Variants in TFDP2 observed in about 807,000 individuals in gnomAD.
TFDP2 encodes the protein transcription factor Dp-2 (E2F dimerization partner 2).
TFDP2 carries 17 observed loss-of-function variants against 59.3 expected under a neutral mutation model. The ratio of observed to expected loss-of-function variants is 0.29; its 90% CI spans 0.20 to 0.43. TFDP2 has a LOEUF of 0.43. Among genes scored for constraint, TFDP2 ranks in the 20% least tolerant of loss-of-function variants. TFDP2 has a pLI of 1.00. For missense variants in TFDP2, 391 were observed against 528.8 expected (o/e 0.74, Z 2.56); for synonymous variants, 180 against 194.7 (o/e 0.92, Z 0.63).
chr3:142,007,641 AAT>A (rs1944324223), intron 3 of TFDP2, among the ~76,000 whole-genome samples: 1 of 152,156 alleles, frequency 6.6e-6, no homozygotes, highest in Non-Finnish European at 1.5e-5. Flanking sequence ...AAATCATCAC[AAT>A]GTGGAATCAG....
chr3:142,124,268 C>T (rs1295172139), intron 1 of TFDP2, among the ~76,000 whole-genome samples: 1 of 152,018 alleles, frequency 6.6e-6, no homozygotes, highest in Non-Finnish European at 1.5e-5. Context: ...GTAAAATAAG[C>T]AAGAATAGCC....
intron 11 of TFDP2, among the ~76,000 whole-genome samples, chr3:141,954,685 G>C (rs1936360971): frequency 6.6e-6 from 1 of 151,970 alleles, no homozygotes. Flanking sequence ...TATAGTCTCT[G>C]TCAGCTGCCA....
At chr3:142,000,143 C>T (rs909813390) in intron 4 of TFDP2, 7 of 564,834 alleles carry the variant, frequency 1.2e-5, no homozygotes, top group Admixed American at 2.7e-5. Flanking sequence ...TCCATTCAGG[C>T]TACCATAACA....
intron 3 of TFDP2, 60 bp downstream of exon 3, chr3:142,093,001 T>C (rs16852086): frequency 2.5e-6 from 3 of 1,181,134 alleles, no homozygotes; most frequent in Non-Finnish European, 2.4e-6. Context: ...CTGCATATTT[T>C]ACAAAACAAA....
chr3:142,060,138 C>T (rs1235566035), intron 3 of TFDP2, among the ~76,000 whole-genome samples: 1 of 152,156 alleles, frequency 6.6e-6, no homozygotes, highest in Non-Finnish European at 1.5e-5. Flanking sequence ...AGTCATTTTA[C>T]AATTTTACTG....
At chr3:141,960,140 T>C (rs1937179518) in intron 10 of TFDP2, among the ~76,000 whole-genome samples, 1 of 152,236 alleles carries the variant, frequency 6.6e-6, no homozygotes, top group Admixed American at 6.5e-5. Flanking sequence ...TTCTCAAAGT[T>C]GCCTACAGCT....
At chr3:141,953,734 A>C (rs1936205890) in intron 11 of TFDP2, among the ~76,000 whole-genome samples, 1 of 149,540 alleles carries the variant, frequency 6.7e-6, no homozygotes, top group Non-Finnish European at 1.5e-5. Context: ...TGCACCGATT[A>C]ACTCGTCATT....
intron 1 of TFDP2, among the ~76,000 whole-genome samples, chr3:142,108,446 G>C (rs962989388): frequency 6.6e-6 from 1 of 152,074 alleles, no homozygotes; most frequent in African/African-American, 2.4e-5. Context: ...CTGACCTCAA[G>C]TGACCCGCCC....
intron 3 of TFDP2, among the ~76,000 whole-genome samples, chr3:142,067,376 C>T (rs950389033): frequency 1.3e-5 from 2 of 150,924 alleles, no homozygotes; most frequent in African/African-American, 4.9e-5. Context: ...TACATTAGCA[C>T]CAAAAATGAA....
intron 1 of TFDP2, among the ~76,000 whole-genome samples, chr3:142,120,875 A>G (rs1018893397): frequency 6.6e-6 from 1 of 152,046 alleles, no homozygotes; most frequent in African/African-American, 2.4e-5. Flanking sequence ...CCTTTTTGGC[A>G]TCAGAATTCT....
At position 142,149,274 on chromosome 3, in the gene TFDP2, G is replaced by T. The variant is rs747260282; in HGVS notation, c.-184C>A. ...GGGCGCCGCCGCTTCTGTGGCGCCC[G>T]CGCTTAGGCGGCGGCCGGGTCCCGG... On this transcript the variant is annotated 5_prime_UTR_variant, in exon 1 of 13. Coordinates refer to ENST00000489671, the MANE Select transcript of TFDP2 (RefSeq NM_001178139.2). The T allele has an allele frequency of 5.0e-6, 2 of 396,530 alleles. No homozygotes were observed. The highest frequency in any genetic ancestry group is 8.9e-6 in the Non-Finnish European group (2 of 224,752). The allele number at this position is 396,530 out of a possible 1,614,324, so 24.6% of individuals were successfully genotyped here. A position where few individuals can be genotyped will look rare whatever the true frequency, so the allele number is the denominator to read the frequency against.
At chr3:142,042,635 T>A (rs372979183) in intron 3 of TFDP2, among the ~76,000 whole-genome samples, 1 of 145,404 alleles carries the variant, frequency 6.9e-6, no homozygotes, top group Non-Finnish European at 1.5e-5. Flanking sequence ...CTTTTCTTTT[T>A]TTTTTTTTTT....
intron 9 of TFDP2, among the ~76,000 whole-genome samples, chr3:141,968,542 T>C (rs868331791): frequency 8.4e-5 from 8 of 95,658 alleles, no homozygotes; most frequent in South Asian, 5.9e-4. Flanking sequence ...ATATATAACA[T>C]ATATATATCT....
At chr3:141,992,582 G>T (rs1479654988) in intron 6 of TFDP2, among the ~76,000 whole-genome samples, 1 of 152,190 alleles carries the variant, frequency 6.6e-6, no homozygotes, top group African/African-American at 2.4e-5. Flanking sequence ...GTTGGAAAGA[G>T]GACTTTCTGT....
At chr3:141,968,393 A>ATATATATAT (rs1232923523) in intron 9 of TFDP2, among the ~76,000 whole-genome samples, 8,160 of 116,732 alleles carry the variant, frequency 0.07, 886 homozygotes, top group East Asian at 0.1. Flanking sequence ...CATATATATA[A>ATATATATAT]CATATATATC....
intron 3 of TFDP2, among the ~76,000 whole-genome samples, chr3:142,012,448 G>A (rs901550024): frequency 2.6e-5 from 4 of 152,176 alleles, no homozygotes; most frequent in Non-Finnish European, 5.9e-5. Context: ...TCCTCTGGTG[G>A]AAATATACTC....
intron 3 of TFDP2, among the ~76,000 whole-genome samples, chr3:142,063,314 C>A (rs1037132532): frequency 2.0e-5 from 3 of 152,094 alleles, no homozygotes; most frequent in Non-Finnish European, 4.4e-5. Flanking sequence ...AATCTGAGCT[C>A]TTAAATTTTA....
intron 1 of TFDP2, among the ~76,000 whole-genome samples, chr3:142,105,302 G>A (rs997701579): frequency 1.1e-4 from 17 of 152,056 alleles, no homozygotes; most frequent in African/African-American, 3.9e-4. Flanking sequence ...TTCCTTACAA[G>A]CTGAAGTGGC....
chr3:141,968,663 TAA>T (rs1463464855), intron 9 of TFDP2, among the ~76,000 whole-genome samples: 1 of 112,166 alleles, frequency 8.9e-6, no homozygotes, highest in East Asian at 2.5e-4. Context: ...TAGATATATA[TAA>T]CACATATATA....
Sources: gnomAD v4.1 joint callset for allele counts (sites outside exome capture counted in the v4.1 genomes callset) on GRCh38, gnomAD v4.1.1 for gene constraint, MANE v1.5 for transcripts, NCBI Gene and HGNC (gene_info 2026-07-23, HGNC 2026-07-21) for gene names.